The following CCSER1 variants were observed in gnomAD, a reference collection of about 807,000 sequenced individuals.
CCSER1 encodes the protein serine-rich coiled-coil domain-containing protein 1.
Under a neutral mutation model 82.0 loss-of-function variants are expected in CCSER1, and 41 were observed. That is an observed-to-expected ratio of 0.50 (90% CI 0.39 to 0.65). CCSER1 has a LOEUF of 0.65. Among genes scored for constraint, CCSER1 ranks in the 30% least tolerant of loss-of-function variants. CCSER1 has a pLI of 0.00. For synonymous variants in CCSER1, 414 were observed against 383.9 expected, an observed-to-expected ratio of 1.08 and a Z score of -0.92; for missense variants, 1,119 against 1,064.2, an observed-to-expected ratio of 1.05 and a Z score of -0.72.
At chr4:90,266,645 G>C (rs1341749298) in intron 1 of CCSER1, among the ~76,000 whole-genome samples, 5 of 152,156 alleles carry the variant, frequency 3.3e-5, no homozygotes, top group Non-Finnish European at 7.3e-5. Context: ...GCACAGGAGA[G>C]AGAATCTGTG....
At chr4:91,279,197 A>T (rs1489625121) in intron 10 of CCSER1, among the ~76,000 whole-genome samples, 2 of 152,148 alleles carry the variant, frequency 1.3e-5, no homozygotes, top group African/African-American at 4.8e-5. Flanking sequence ...TGTTTTTAAA[A>T]ATCCCTTTGT....
At chr4:90,655,398 G>T (rs1322226959) in intron 6 of CCSER1, among the ~76,000 whole-genome samples, 2 of 151,932 alleles carry the variant, frequency 1.3e-5, no homozygotes, top group African/African-American at 2.4e-5. Context: ...CATGGCTTTT[G>T]ATAGTTATTT....
At chr4:90,284,031 GATGAT>G (rs955134677) in intron 1 of CCSER1, among the ~76,000 whole-genome samples, 3 of 152,142 alleles carry the variant, frequency 2.0e-5, no homozygotes, top group Non-Finnish European at 4.4e-5. Flanking sequence ...ACTGGGATGA[GATGAT>G]ATCTCATTGT....
chr4:91,393,362 C>T (rs937688950), intron 10 of CCSER1, among the ~76,000 whole-genome samples: 1 of 151,846 alleles, frequency 6.6e-6, no homozygotes, highest in Non-Finnish European at 1.5e-5. Flanking sequence ...GCATGAAATT[C>T]AAGGAATGTA....
At chr4:90,563,373 G>GTGC (rs146270542) in intron 5 of CCSER1, among the ~76,000 whole-genome samples, 9,711 of 152,160 alleles carry the variant, frequency 0.064, 983 homozygotes, top group African/African-American at 0.22. Flanking sequence ...GGCTCCCAAA[G>GTGC]TGCTGGGATT....
intron 9 of CCSER1, among the ~76,000 whole-genome samples, chr4:91,066,411 G>A (rs540028481): frequency 1.3e-5 from 2 of 152,144 alleles, no homozygotes; most frequent in Non-Finnish European, 2.9e-5. Context: ...CTCCTTCGCA[G>A]CCAAGATTTT....
chr4:91,318,759 A>C (rs2149262074), intron 10 of CCSER1, among the ~76,000 whole-genome samples: 1 of 152,150 alleles, frequency 6.6e-6, no homozygotes. Flanking sequence ...AATACAGTGA[A>C]TATTGAAGTT....
intron 10 of CCSER1, among the ~76,000 whole-genome samples, chr4:91,320,296 G>A (rs1746109705): frequency 6.6e-6 from 1 of 152,016 alleles, no homozygotes; most frequent in African/African-American, 2.4e-5. Flanking sequence ...ATGAGACCAT[G>A]AAGAAGAAAA....
chr4:90,319,763 A>G (rs1374831748), intron 3 of CCSER1, among the ~76,000 whole-genome samples: 1 of 152,244 alleles, frequency 6.6e-6, no homozygotes, highest in Non-Finnish European at 1.5e-5. Context: ...GGGAGTTAAA[A>G]TAACGATTGC....
chr4:90,725,012 A>T, intron 7 of CCSER1: 1 of 441,960 alleles, frequency 2.3e-6, no homozygotes, highest in South Asian at 1.6e-5. Context: ...TGAGAGTCAA[A>T]TATTTGTTAG....
intron 10 of CCSER1, among the ~76,000 whole-genome samples, chr4:91,168,545 G>T (rs960322346): frequency 4.2e-5 from 6 of 144,130 alleles, no homozygotes; most frequent in African/African-American, 7.9e-5. Context: ...GAGTGCCTCT[G>T]CCCGGCTGCC....
intron 5 of CCSER1, among the ~76,000 whole-genome samples, chr4:90,497,871 C>T (rs1262415553): frequency 6.6e-6 from 1 of 151,842 alleles, no homozygotes; most frequent in Non-Finnish European, 1.5e-5. Context: ...AATCTGGCAT[C>T]AGCAGCTATT....
intron 10 of CCSER1, among the ~76,000 whole-genome samples, chr4:91,371,631 T>C (rs1343205059): frequency 6.6e-6 from 1 of 151,540 alleles, no homozygotes; most frequent in Non-Finnish European, 1.5e-5. Context: ...AGTGCTTCAA[T>C]AAACTTCAGA....
chr4:91,457,668 G>GA lies in CCSER1; in HGVS notation c.2218-140896dup, dbSNP rs528340967. Among the ~76,000 whole-genome samples, 10 of 151,394 alleles carry GA rather than the reference G, an allele frequency of 6.6e-5. No individual in the cohort carries two copies. In the South Asian group the frequency reaches 8.3e-4, roughly 13 times the overall value. ...TTGGGCAACAGAGTGAGATCCTATT[G>GA]AAAAAAAACATAAAATAAAATAATT... On this transcript the variant is annotated intron_variant, in intron 10 of 10. Transcript: ENST00000509176.
rs187391774 is a variant in CCSER1, at chr4:90,138,201, T to C, written c.-42+10370T>C. Among the ~76,000 whole-genome samples the C allele has an allele frequency of 3.3e-5, 5 of 151,876 alleles. No individual in the cohort carries two copies. In the East Asian group the frequency reaches 7.7e-4, roughly 24 times the overall value. ...GAGTGACGTGGATTTCTTTTTTAAA[T>C]TTTTTTTTGAGGCAAAGTCTTGCTC... On this transcript the variant is annotated intron_variant, in intron 1 of 10. Transcript: ENST00000509176.
intron 9 of CCSER1, among the ~76,000 whole-genome samples, chr4:90,976,368 T>G (rs1437786233): frequency 6.6e-6 from 1 of 151,320 alleles, no homozygotes; most frequent in African/African-American, 2.4e-5. Flanking sequence ...TAAGATTTCT[T>G]TTTTGTATGT....
intron 10 of CCSER1, among the ~76,000 whole-genome samples, chr4:91,477,502 A>G (rs908058276): frequency 5.3e-5 from 8 of 151,528 alleles, no homozygotes; most frequent in African/African-American, 1.7e-4. Context: ...ATACTTCTCT[A>G]TTTTCTGAGG....
chr4:91,298,583 A>T (rs376762964), intron 10 of CCSER1, among the ~76,000 whole-genome samples: 14 of 152,040 alleles, frequency 9.2e-5, no homozygotes, highest in African/African-American at 3.4e-4. Flanking sequence ...CACTTAGAAC[A>T]TACAAGAGCG....
chr4:90,326,616 C>T (rs1738262326), intron 3 of CCSER1, among the ~76,000 whole-genome samples: 1 of 152,102 alleles, frequency 6.6e-6, no homozygotes, highest in Non-Finnish European at 1.5e-5. Flanking sequence ...TTTTCATACT[C>T]AGCTAGTTAT....
Sources: gnomAD v4.1 joint callset for allele counts (sites outside exome capture counted in the v4.1 genomes callset) on GRCh38, gnomAD v4.1.1 for gene constraint, MANE v1.5 for transcripts, NCBI Gene and HGNC (gene_info 2026-07-23, HGNC 2026-07-21) for gene names.